RGMA: variants seen among roughly 807,000 people sequenced by gnomAD.
The protein encoded by RGMA is repulsive guidance molecule A.
A neutral mutation model predicts 23.2 loss-of-function variants in RGMA; 10 were observed. That is an observed-to-expected ratio of 0.43 (90% CI 0.27 to 0.73). The LOEUF is 0.73. Among genes scored for constraint, RGMA ranks in the 30% least tolerant of loss-of-function variants. RGMA has a pLI of 0.20. For missense variants in RGMA, 547 were observed against 630.5 expected (o/e 0.87, Z 1.42); for synonymous variants, 308 against 279.3 (o/e 1.10, Z -1.03).
chr15:93,057,478 C>T (rs1034574579), intron 2 of RGMA, among the ~76,000 whole-genome samples: 1 of 152,154 alleles, frequency 6.6e-6, no homozygotes. Flanking sequence ...GTCTGAGAGC[C>T]GGGAGGAGGG....
At chr15:93,073,765 G>C (rs752977766) in intron 1 of RGMA, 19 of 1,536,974 alleles carry the variant, frequency 1.2e-5, no homozygotes, top group Non-Finnish European at 1.7e-5. Flanking sequence ...ATCCTGACTG[G>C]GTTTGGCCTG....
chr15:93,048,598 G>A (rs553264420), intron 3 of RGMA, among the ~76,000 whole-genome samples: 2 of 152,144 alleles, frequency 1.3e-5, no homozygotes, highest in African/African-American at 2.4e-5. Flanking sequence ...CATTTGCCGT[G>A]GGATGTCAAA....
chr15:93,069,572 GA>G (rs1895260301), intron 2 of RGMA, among the ~76,000 whole-genome samples: 2 of 152,162 alleles, frequency 1.3e-5, no homozygotes, highest in Non-Finnish European at 2.9e-5. Context: ...GGGGAAGAAA[GA>G]AGGAACAAAG....
rs2054686927 is a variant in RGMA at position 93,038,585 on chromosome 15, T to TTTTTTTTTG, written c.*6412_*6413insCAAAAAAAA. On this transcript the variant is annotated 3_prime_UTR_variant, in exon 4 of 4. Transcript: ENST00000329082. ...CTGTTAGTTGTTTTTTTTTTTTTTT[T>TTTTTTTTTG]GAGACGGTGTCTTGCTCTGTCGCCC... 6.8e-6 allele frequency: 1 copy of TTTTTTTTTG among 146,032 alleles called. No individual in the cohort carries two copies. 9.0% of individuals were successfully genotyped at this position (146,032 alleles called of 1,614,324 possible).
chr15:93,045,690 T>G lies in RGMA; in HGVS notation c.661A>C (p.Lys221Gln). 1 of 1,603,518 alleles carries G rather than the reference T, an allele frequency of 6.2e-7. No individual in the cohort carries two copies. Among genetic ancestry groups the G allele is most frequent in the Admixed American group, 1.7e-5 (1 of 60,016 alleles). Residue 221 changes from lysine to glutamine, a missense_variant, in exon 4 of 4, where the codon AAG becomes CAG. Physicochemically the swap from Lys to Gln is moderately conservative, Grantham distance 53. Coordinates refer to ENST00000329082, the MANE Select transcript of RGMA (RefSeq NM_020211.3). This position sits in a 1 kb window ranked among gnomAD's most constrained non-coding sequence, Gnocchi z 6.9. ...TGGTCCACACACTCCTGGAAGTTCT[T>G]GAAGATGATGGTGAGCTGCCGGGGA... ...TATSKLTIIF[K>Q]NFQECVDQKV...
At chr15:93,077,384 T>C (rs1211867247) in intron 1 of RGMA, among the ~76,000 whole-genome samples, 1 of 152,214 alleles carries the variant, frequency 6.6e-6, no homozygotes, top group African/African-American at 2.4e-5. Context: ...AGGCGATTCA[T>C]GTCTAGGGGA....
Position 93,066,297 on chromosome 15 carries a change from T to G in RGMA, c.130+6619A>C, listed in dbSNP as rs989191834. On this transcript the variant is annotated intron_variant, in intron 2 of 3. Transcript: ENST00000329082. The stretch of plus-strand genomic sequence containing the variant: ...GACATCTTCCTTGGCGTCATTCCTG[T>G]GGATGAATCCGTAACCATTCCGGAC... The G allele has an allele frequency of 3.2e-6, 3 of 949,912 alleles. No homozygotes were observed. In the African/African-American group the frequency reaches 4.8e-5, roughly 15 times the overall value. 58.8% of individuals were successfully genotyped at this position (949,912 alleles called of 1,614,324 possible).
intron 1 of RGMA, 63 bp downstream of exon 1, chr15:93,088,855 CA>C: frequency 7.1e-7 from 1 of 1,416,962 alleles, no homozygotes; most frequent in Non-Finnish European, 9.5e-7. Flanking sequence ...GTGGCCCCGG[CA>C]TGTGTCGGCG....
intron 1 of RGMA, among the ~76,000 whole-genome samples, chr15:93,079,155 G>A (rs2141846463): frequency 6.6e-6 from 1 of 152,286 alleles, no homozygotes; most frequent in South Asian, 2.1e-4. Context: ...CACGTTCCTG[G>A]GGGATCCTCA....
chr15:93,056,398 G>A (rs1567184606), intron 2 of RGMA, among the ~76,000 whole-genome samples: 2 of 151,826 alleles, frequency 1.3e-5, no homozygotes, highest in Non-Finnish European at 2.9e-5. Flanking sequence ...GCTAAGAAGC[G>A]CCTGAGACGA....
At chr15:93,079,134 C>G (rs959498200) in intron 1 of RGMA, among the ~76,000 whole-genome samples, 26 of 152,252 alleles carry the variant, frequency 1.7e-4, no homozygotes, top group Non-Finnish European at 4.4e-5. Context: ...TAAACTAAGT[C>G]TGGATGCACC....
chr15:93,089,184 G>A lies in RGMA; in HGVS notation c.-252C>T, dbSNP rs1895693925. ...CCGGCCCAGCGGCTCGGGCGGCGCAGCCAGCGCTCGGGAGACAACTGCAGA... is the reference window on the plus strand; with the variant it reads ...CCGGCCCAGCGGCTCGGGCGGCGCAACCAGCGCTCGGGAGACAACTGCAGA... On this transcript the variant is annotated 5_prime_UTR_variant, in exon 1 of 4. Transcript: ENST00000329082. 1 of 281,124 alleles carries A rather than the reference G, an allele frequency of 3.6e-6. No homozygotes were observed. The highest frequency in any genetic ancestry group is 6.6e-6 in the Non-Finnish European group (1 of 152,002). 17.4% of individuals were successfully genotyped at this position (281,124 alleles called of 1,614,324 possible).
intron 1 of RGMA, among the ~76,000 whole-genome samples, chr15:93,079,585 C>T (rs796934903): frequency 9.2e-5 from 14 of 152,246 alleles, no homozygotes; most frequent in African/African-American, 3.1e-4. Context: ...TTTGGGAGGC[C>T]GAGGCGGGCC....
chr15:93,064,280 C>T (rs1895069013), intron 2 of RGMA, among the ~76,000 whole-genome samples: 3 of 152,354 alleles, frequency 2.0e-5, no homozygotes, highest in East Asian at 1.9e-4. Context: ...TAAGCTACTC[C>T]GAGTTCCACA....
chr15:93,041,284 G>C lies in RGMA; in HGVS notation c.*3714C>G, dbSNP rs945273367. 6.6e-5 allele frequency: 10 copies of C among 152,240 alleles called. No individual in the cohort carries two copies. The highest frequency in any genetic ancestry group is 2.4e-4 in the African/African-American group (10 of 41,446). The allele number at this position is 152,240 out of a possible 1,614,324, so 9.4% of individuals were successfully genotyped here. ...CACATCAGTGAGACAGGATGGGGCG[G>C]GGAGAGGCGCCCACCTCCGTGTGCT... On this transcript the variant is annotated 3_prime_UTR_variant, in exon 4 of 4. Transcript: ENST00000329082.
chr15:93,063,844 G>C (rs1414316054), intron 2 of RGMA, among the ~76,000 whole-genome samples: 1 of 152,194 alleles, frequency 6.6e-6, no homozygotes, highest in African/African-American at 2.4e-5. Context: ...GGAGGTGGGG[G>C]TCAGTTGGGG....
In RGMA at chr15:93,044,975, C is replaced by G; in HGVS notation, c.*23G>C. ...GGGGAAGCCGAGAGGACGGAGCCCG[C>G]GCCTCCCTCCACATCTACGCGTCTA... On this transcript the variant is annotated 3_prime_UTR_variant, in exon 4 of 4. Transcript: ENST00000329082. 384 of 1,520,950 alleles carry G rather than the reference C, an allele frequency of 2.5e-4. No individual in the cohort carries two copies. Among genetic ancestry groups the G allele is most frequent in the Non-Finnish European group, 3.2e-4 (351 of 1,112,058 alleles). 94.2% of individuals were successfully genotyped at this position (1,520,950 alleles called of 1,614,324 possible). A position where few individuals can be genotyped will look rare whatever the true frequency, so the allele number is the denominator to read the frequency against.
intron 3 of RGMA, among the ~76,000 whole-genome samples, chr15:93,048,476 G>A (rs1428102584): frequency 6.6e-6 from 1 of 152,146 alleles, no homozygotes; most frequent in Non-Finnish European, 1.5e-5. Context: ...GGGAGTCCAT[G>A]CAGCAGCACC....
intron 2 of RGMA, among the ~76,000 whole-genome samples, chr15:93,067,250 T>C (rs1389758866): frequency 2.0e-5 from 3 of 151,942 alleles, no homozygotes; most frequent in Non-Finnish European, 4.4e-5. Context: ...CAGAAAAAAT[T>C]ATTTTGGAAA....
Sources: gnomAD v4.1 joint callset for allele counts (sites outside exome capture counted in the v4.1 genomes callset) on GRCh38, gnomAD v4.1.1 for gene constraint, Gnocchi (gnomAD v3.1) non-coding constraint, MANE v1.5 for transcripts, NCBI Gene and HGNC (gene_info 2026-07-23, HGNC 2026-07-21) for gene names.